RFX8: variants seen among roughly 807,000 people sequenced by gnomAD.
The protein encoded by RFX8 is regulatory factor X8.
A neutral mutation model predicts 54.6 loss-of-function variants in RFX8; 46 were observed. That is an observed-to-expected ratio of 0.84 (90% CI 0.67 to 1.08). The LOEUF is 1.08. Ranked by LOEUF, RFX8 falls within the 50% of genes least tolerant of loss-of-function variation. The pLI, the probability that RFX8 is intolerant of heterozygous loss-of-function variation, is 0.00. For missense variants in RFX8, 536 were observed against 562.3 expected, an observed-to-expected ratio of 0.95 and a Z score of 0.47; for synonymous variants, 192 against 209.5, an observed-to-expected ratio of 0.92 and a Z score of 0.72.
intron 2 of RFX8, among the ~76,000 whole-genome samples, chr2:101,437,745 C>T (rs1308471659): frequency 2.7e-5 from 4 of 145,958 alleles, no homozygotes; most frequent in South Asian, 4.6e-4. Flanking sequence ...CAGATACTGA[C>T]GTTGATACAC....
At position 101,400,653 on chromosome 2, in the gene RFX8, G is replaced by T. The variant is rs956758854; in HGVS notation, c.1245+1783C>A. On this transcript the variant is annotated intron_variant, in intron 11 of 11. Transcript: ENST00000428343. ...AGCCTCCCTTACGGTGCTTTAACGA[G>T]TGTCACTGCAAGATGTTTTTGTTTT... Among the ~76,000 whole-genome samples, 52 of 152,192 alleles carry T rather than the reference G, an allele frequency of 3.4e-4. 1 individual carries two copies. The highest frequency in any genetic ancestry group is 8.8e-5 in the Non-Finnish European group (6 of 68,038).
At chr2:101,409,902 G>A (rs776527716) in intron 9 of RFX8, among the ~76,000 whole-genome samples, 52 of 152,086 alleles carry the variant, frequency 3.4e-4, no homozygotes, top group Non-Finnish European at 1.9e-4. Flanking sequence ...GCTCTCCACT[G>A]CCCCCATGGA....
At chr2:101,430,378 A>G (rs1311145726) in intron 2 of RFX8, among the ~76,000 whole-genome samples, 4 of 152,240 alleles carry the variant, frequency 2.6e-5, no homozygotes, top group Admixed American at 2.6e-4. Flanking sequence ...CAGTATTTGT[A>G]AATAAGATCC....
intron 1 of RFX8, among the ~76,000 whole-genome samples, chr2:101,471,283 G>A (rs1481967392): frequency 6.6e-6 from 1 of 151,924 alleles, no homozygotes; most frequent in African/African-American, 2.4e-5. Flanking sequence ...GCAGTGAGCC[G>A]AGATTGTGCC....
At chr2:101,445,591 T>TAAAAAAATAAAAAAA (rs1251288756) in intron 2 of RFX8, among the ~76,000 whole-genome samples, 16 of 151,064 alleles carry the variant, frequency 1.1e-4, no homozygotes, top group African/African-American at 3.6e-4. Flanking sequence ...AATATAAAAT[T>TAAAAAAATAAAAAAA]TTTAATTTTA....
intron 2 of RFX8, among the ~76,000 whole-genome samples, chr2:101,439,487 T>A (rs1287383447): frequency 6.6e-6 from 1 of 152,172 alleles, no homozygotes; most frequent in African/African-American, 2.4e-5. Flanking sequence ...CCAAGGTTTT[T>A]AAAGTTTAAT....
intron 1 of RFX8, among the ~76,000 whole-genome samples, chr2:101,469,136 A>ATATACGT (rs1176824096): frequency 7.7e-6 from 1 of 130,648 alleles, no homozygotes; most frequent in African/African-American, 2.9e-5. Flanking sequence ...ATATATATAT[A>ATATACGT]AGTATATATA....
intron 2 of RFX8, among the ~76,000 whole-genome samples, chr2:101,429,278 G>C (rs1248196838): frequency 2.0e-5 from 3 of 152,172 alleles, no homozygotes; most frequent in Non-Finnish European, 4.4e-5. Context: ...ATCGTCATGG[G>C]TAGAATTCGC....
chr2:101,460,888 G>A (rs1451679164), intron 2 of RFX8, among the ~76,000 whole-genome samples: 1 of 151,570 alleles, frequency 6.6e-6, no homozygotes, highest in Non-Finnish European at 1.5e-5. Context: ...AAAAGAGCAG[G>A]GCAAGTTTGA....
rs1206020548 is a variant in RFX8, at chr2:101,407,521, G to A, written c.814-1464C>T. On this transcript the variant is annotated intron_variant, in intron 9 of 11. Transcript: ENST00000428343. ...AGCCTGGCCAACATGGCAAAACCCC[G>A]TCTTTACTAAAAATACAAAAATTAG... Among the ~76,000 whole-genome samples the A allele has an allele frequency of 6.6e-5, 10 of 152,206 alleles. No individual in the cohort carries two copies. The East Asian group carries it at 1.2e-3, about 18-fold the overall frequency.
intron 9 of RFX8, among the ~76,000 whole-genome samples, chr2:101,407,449 T>C (rs1283976916): frequency 6.6e-6 from 1 of 152,198 alleles, no homozygotes; most frequent in African/African-American, 2.4e-5. Flanking sequence ...CCCAGCACTT[T>C]GAGAGGCAGA....
intron 4 of RFX8, among the ~76,000 whole-genome samples, chr2:101,420,470 G>T (rs1686801066): frequency 6.6e-6 from 1 of 152,046 alleles, no homozygotes; most frequent in African/African-American, 2.4e-5. Flanking sequence ...CTTGAACTCA[G>T]GAGGTGGAGG....
At chr2:101,402,896 G>T (rs1478647504) in intron 10 of RFX8, 144 bp from the exon 11 acceptor site, 1 of 731,180 alleles carries the variant, frequency 1.4e-6, no homozygotes, top group Non-Finnish European at 2.2e-6. Flanking sequence ...GCCTGGGTCG[G>T]CCTCTTACGT....
chr2:101,447,856 C>G, intron 2 of RFX8, among the ~76,000 whole-genome samples: 1 of 152,314 alleles, frequency 6.6e-6, no homozygotes, highest in East Asian at 1.9e-4. Flanking sequence ...AGTGAGAACA[C>G]GCAATATTTG....
intron 2 of RFX8, among the ~76,000 whole-genome samples, chr2:101,432,327 G>A (rs1359165418): frequency 6.6e-6 from 1 of 152,192 alleles, no homozygotes; most frequent in Non-Finnish European, 1.5e-5. Flanking sequence ...AGAGTTGCTG[G>A]AGACCAGCAA....
At chr2:101,442,882 T>C (rs1468511733) in intron 2 of RFX8, among the ~76,000 whole-genome samples, 3 of 151,648 alleles carry the variant, frequency 2.0e-5, no homozygotes, top group South Asian at 4.2e-4. Flanking sequence ...AGCGGAAGAG[T>C]GTCAGTCAGG....
intron 2 of RFX8, among the ~76,000 whole-genome samples, chr2:101,463,632 C>T (rs1452063976): frequency 2.0e-5 from 3 of 152,208 alleles, no homozygotes; most frequent in Non-Finnish European, 4.4e-5. Context: ...GGTGTTTCAC[C>T]AAGCCTGGGG....
intron 2 of RFX8, among the ~76,000 whole-genome samples, chr2:101,455,626 G>C (rs373574914): frequency 6.6e-6 from 1 of 152,172 alleles, no homozygotes; most frequent in Non-Finnish European, 1.5e-5. Context: ...TAGCCTTGTA[G>C]TATAGTTTGA....
At chr2:101,466,985 T>C (rs1689608888) in intron 1 of RFX8, 85 bp from the exon 2 acceptor site, 3 of 667,978 alleles carry the variant, frequency 4.5e-6, no homozygotes, top group Middle Eastern at 2.5e-4. Flanking sequence ...GGTCAAGATG[T>C]GTATGAGGTT....
Sources: allele counts gnomAD v4.1 joint callset (sites outside exome capture counted in the v4.1 genomes callset), GRCh38; gene constraint gnomAD v4.1.1; transcripts MANE v1.5; gene names NCBI Gene and HGNC (gene_info 2026-07-23, HGNC 2026-07-21).